Variants in PCDHA4 observed in about 807,000 individuals in gnomAD.
PCDHA4 encodes the protein protocadherin alpha 4, also known as protocadherin alpha-4.
A neutral mutation model predicts 61.4 loss-of-function variants in PCDHA4; 49 were observed. The observed-to-expected ratio is 0.80, with a 90% CI of 0.63 to 1.01. The LOEUF is 1.01. PCDHA4 is among the 50% of genes least tolerant of loss of function. The pLI is 0.00. For synonymous variants in PCDHA4, 590 were observed against 550.3 expected, an observed-to-expected ratio of 1.07 and a Z score of -1.01; for missense variants, 1,254 against 1,235.8, an observed-to-expected ratio of 1.01 and a Z score of -0.22.
intron 1 of PCDHA4, chr5:140,841,538 G>C (rs1488596274): frequency 9.3e-6 from 15 of 1,613,608 alleles, no homozygotes; most frequent in Admixed American, 1.7e-5. Context: ...AAGACACCGG[G>C]ACCTTCTGGA....
chr5:140,827,166 C>T (rs1377464417), intron 1 of PCDHA4, among the ~76,000 whole-genome samples: 2 of 151,954 alleles, frequency 1.3e-5, no homozygotes, highest in Non-Finnish European at 2.9e-5. Context: ...TTTGTAAATA[C>T]CTCAATAAAA....
At chr5:140,844,047 C>T (rs2150368498) in intron 1 of PCDHA4, among the ~76,000 whole-genome samples, 3 of 149,604 alleles carry the variant, frequency 2.0e-5, no homozygotes, top group East Asian at 1.9e-4. Context: ...TGAAAGTATT[C>T]CCCCAAAGCG....
At chr5:140,852,176 A>G in intron 1 of PCDHA4, 1 of 792,442 alleles carries the variant, frequency 1.3e-6, no homozygotes, top group South Asian at 5.6e-5. Flanking sequence ...CACAAAAATA[A>G]CTATGAAAAT....
Position 140,877,874 on chromosome 5 carries a change from C to T in PCDHA4, c.2385+68302C>T, listed in dbSNP as rs782471585. The T allele has an allele frequency of 2.7e-6, 4 of 1,477,338 alleles. No homozygotes were observed. The African/African-American group carries it at 5.7e-5, about 21-fold the overall frequency. The allele number at this position is 1,477,338 out of a possible 1,614,324, so 91.5% of individuals were successfully genotyped here. ...TAATATTATTTAGATATATTTGTTT[C>T]CTTGAAGAACTTCCGTTTAGGTTAT... is the stretch of plus-strand genomic sequence containing the variant. On this transcript the variant is annotated intron_variant, in intron 1 of 3. Transcript: ENST00000530339.
intron 1 of PCDHA4, among the ~76,000 whole-genome samples, chr5:140,973,418 T>G (rs1235123458): frequency 6.6e-6 from 1 of 152,212 alleles, no homozygotes; most frequent in East Asian, 1.9e-4. Flanking sequence ...CCACTCCAGT[T>G]TTTCATCCTC....
intron 1 of PCDHA4, chr5:140,857,926 C>G (rs1351185942): frequency 2.5e-6 from 4 of 1,597,606 alleles, no homozygotes; most frequent in East Asian, 2.2e-5. Flanking sequence ...TGGGGCTGTA[C>G]ACGGGCGAGA....
rs189687890 is a variant in PCDHA4 at position 140,972,728 on chromosome 5, A to G, written c.2386-6221A>G. ...TGCCAGGCTGGAGTGCAGTGGCGTA[A>G]TCCCGGCTCACTGCAACCTCCGCCT... On this transcript the variant is annotated intron_variant, in intron 1 of 3. Transcript: ENST00000530339. Among the ~76,000 whole-genome samples the G allele has an allele frequency of 6.0e-3, 882 of 147,958 alleles. 8 individuals carry two copies. Among genetic ancestry groups the G allele is most frequent in the African/African-American group, 0.021 (847 of 39,742 alleles).
At position 140,900,792 on chromosome 5, in the gene PCDHA4, C is replaced by T. The variant is rs373914544; in HGVS notation, c.2386-78157C>T. On this transcript the variant is annotated intron_variant, in intron 1 of 3. Transcript: ENST00000530339. ...CTTTTTGAGGAAACTCCAAACTGTT[C>T]TCCATAGTGCTTGTACTAATTTACA... 1.1e-4 allele frequency among the ~76,000 whole-genome samples: 16 copies of T among 152,298 alleles called. No individual in the cohort carries two copies. The South Asian group carries it at 1.5e-3, about 14-fold the overall frequency.
intron 1 of PCDHA4, among the ~76,000 whole-genome samples, chr5:140,953,839 A>G (rs2094940958): frequency 6.6e-6 from 1 of 152,192 alleles, no homozygotes; most frequent in African/African-American, 2.4e-5. Flanking sequence ...TTTGTTACCC[A>G]GGTAAACATG....
At chr5:140,828,367 C>T (rs782811756) in intron 1 of PCDHA4, 8 of 1,614,132 alleles carry the variant, frequency 5.0e-6, no homozygotes, top group Non-Finnish European at 6.8e-6. Context: ...GGATCGACCG[C>T]GAGGAGCTGT....
chr5:141,009,772 C>T lies in PCDHA4; in HGVS notation c.2679C>T (p.Ile893=). The T allele has an allele frequency of 1.9e-6, 3 of 1,614,158 alleles. No individual in the cohort carries two copies. Among genetic ancestry groups the T allele is most frequent in the Non-Finnish European group, 2.5e-6 (3 of 1,180,032 alleles). The stretch of plus-strand genomic sequence containing the variant: ...TCATTATCCCAGGATCTCCTGCAAT[C>T]ATCTCCATCCGGCAGGAGCCTACTA... ...DKFIIPGSPA[I]ISIRQEPTNS... Residue 893 remains isoleucine (I), a synonymous_variant, in exon 4 of 4, where the codon ATC becomes ATT. Coordinates refer to ENST00000530339, the MANE Select transcript of PCDHA4 (RefSeq NM_018907.4).
intron 1 of PCDHA4, chr5:140,821,898 A>C (rs2150111763): frequency 6.2e-7 from 1 of 1,614,196 alleles, no homozygotes; most frequent in East Asian, 2.2e-5. Flanking sequence ...CCAAACACGG[A>C]ACCTTCGTTG....
chr5:140,822,104 A>G lies in PCDHA4; in HGVS notation c.2385+12532A>G, dbSNP rs1767195164. 8 of 1,614,140 alleles carry G rather than the reference A, an allele frequency of 5.0e-6. No individual in the cohort carries two copies. In the African/African-American group the frequency reaches 5.3e-5, roughly 11 times the overall value. On this transcript the variant is annotated intron_variant, in intron 1 of 3. Coordinates refer to ENST00000530339, the MANE Select transcript of PCDHA4 (RefSeq NM_018907.4). ...AGCATCCACCTGGAGGTGATCGTGG[A>G]CAGGCCGCTGCAGGTTTTCCATGTG...
intron 3 of PCDHA4, among the ~76,000 whole-genome samples, chr5:141,003,132 C>G (rs1391034413): frequency 6.6e-6 from 1 of 152,208 alleles, no homozygotes; most frequent in African/African-American, 2.4e-5. Flanking sequence ...CTGGCATTTG[C>G]CTTGGCAAAG....
At chr5:140,926,320 C>T (rs555057115) in intron 1 of PCDHA4, 1 of 152,240 alleles carries the variant, frequency 6.6e-6, no homozygotes, top group Non-Finnish European at 1.5e-5. Context: ...AGAGGTGCGC[C>T]GGGGTCAGAG....
rs144694616 is a variant in PCDHA4, at chr5:140,836,586, G to A, written c.2385+27014G>A. Reference sequence around the variant, plus strand: ...GTCCTCTGAGGGCGCATGTAGTTTGGTAAAGCCCACTCTGGTGTGCTCCAG... The same window carrying A: ...GTCCTCTGAGGGCGCATGTAGTTTGATAAAGCCCACTCTGGTGTGCTCCAG... On this transcript the variant is annotated intron_variant, in intron 1 of 3. Coordinates refer to ENST00000530339, the MANE Select transcript of PCDHA4 (RefSeq NM_018907.4). The A allele has an allele frequency of 3.1e-6, 5 of 1,613,634 alleles. 1 individual carries two copies. The highest frequency in any genetic ancestry group is 4.2e-6 in the Non-Finnish European group (5 of 1,179,854).
intron 1 of PCDHA4, chr5:140,868,997 G>T: frequency 6.6e-7 from 1 of 1,517,542 alleles, no homozygotes; most frequent in Non-Finnish European, 8.8e-7. Flanking sequence ...ACCGTTTAAG[G>T]ATCCTTTGAA....
At chr5:140,915,083 C>T in intron 1 of PCDHA4, among the ~76,000 whole-genome samples, 1 of 151,628 alleles carries the variant, frequency 6.6e-6, no homozygotes, top group East Asian at 1.9e-4. Flanking sequence ...GTAGCTGGGA[C>T]TATGGGCACG....
chr5:140,928,570 C>G, intron 1 of PCDHA4: 1 of 1,614,196 alleles, frequency 6.2e-7, no homozygotes, highest in Non-Finnish European at 8.5e-7. Flanking sequence ...GTTTCCCTTG[C>G]CCAGAAATGG....
Sources: allele counts gnomAD v4.1 joint callset (sites outside exome capture counted in the v4.1 genomes callset), GRCh38; gene constraint gnomAD v4.1.1; transcripts MANE v1.5; gene names NCBI Gene and HGNC (gene_info 2026-07-23, HGNC 2026-07-21).